The following MCF2L2 variants were observed in gnomAD, a reference collection of about 807,000 sequenced individuals.
The protein encoded by MCF2L2 is probable guanine nucleotide exchange factor MCF2L2.
In MCF2L2, 102 loss-of-function variants were observed where a neutral mutation model predicts 150.2. The observed-to-expected ratio is 0.68, with a 90% confidence interval of 0.58 to 0.80. MCF2L2 has a LOEUF of 0.80. Ranked by LOEUF, MCF2L2 falls within the 30% of genes least tolerant of loss-of-function variation. The pLI is 0.00. For synonymous variants in MCF2L2, 465 were observed against 491.3 expected (o/e 0.95, Z 0.71); for missense variants, 1,256 against 1,372.8 (o/e 0.91, Z 1.34).
chr3:183,273,757 T>C (rs1210087975), intron 15 of MCF2L2, among the ~76,000 whole-genome samples: 1 of 152,226 alleles, frequency 6.6e-6, no homozygotes. Context: ...ATACTTTCCA[T>C]TGTCTTACAA....
intron 15 of MCF2L2, among the ~76,000 whole-genome samples, chr3:183,266,962 T>A (rs1726203044): frequency 6.6e-6 from 1 of 152,020 alleles, no homozygotes; most frequent in South Asian, 2.1e-4. Context: ...AATTTTTGAA[T>A]TTTTTATAGA....
chr3:183,401,808 C>T (rs1714771926), intron 1 of MCF2L2, among the ~76,000 whole-genome samples: 1 of 152,200 alleles, frequency 6.6e-6, no homozygotes, highest in Admixed American at 6.5e-5. Context: ...GTATGGACAG[C>T]TACTGCTTGT....
At chr3:183,286,766 C>T (rs115325312) in intron 14 of MCF2L2, among the ~76,000 whole-genome samples, 4,928 of 152,300 alleles carry the variant, frequency 0.032, 256 homozygotes, top group African/African-American at 0.11. Flanking sequence ...AAGCCTTGGT[C>T]TTTCTAAGCA....
At chr3:183,196,898 G>A (rs1179061426) in intron 25 of MCF2L2, among the ~76,000 whole-genome samples, 1 of 151,994 alleles carries the variant, frequency 6.6e-6, no homozygotes, top group Admixed American at 6.6e-5. Context: ...CCTTAAGGAG[G>A]GCTTGAGAAA....
chr3:183,378,371 G>C (rs142472580), intron 3 of MCF2L2: 54 of 152,436 alleles, frequency 3.5e-4, no homozygotes, highest in African/African-American at 1.3e-3. Context: ...CCCGGTCTGT[G>C]AAATGGTGGT....
chr3:183,420,577 C>T (rs1331904893), intron 1 of MCF2L2, among the ~76,000 whole-genome samples: 1 of 151,972 alleles, frequency 6.6e-6, no homozygotes, highest in Non-Finnish European at 1.5e-5. Context: ...CCAGCCTGGG[C>T]GACAGAGCAA....
At chr3:183,309,187 G>C (rs1313808434) in intron 10 of MCF2L2, among the ~76,000 whole-genome samples, 1 of 152,080 alleles carries the variant, frequency 6.6e-6, no homozygotes, top group Non-Finnish European at 1.5e-5. Flanking sequence ...AGAAAGCTTT[G>C]CCAATTCTGT....
chr3:183,307,330 C>G (rs1278851665), intron 10 of MCF2L2, among the ~76,000 whole-genome samples: 1 of 152,170 alleles, frequency 6.6e-6, no homozygotes, highest in Non-Finnish European at 1.5e-5. Flanking sequence ...TCTGAAGAAG[C>G]CATGTGTCTG....
At chr3:183,420,352 A>T (rs1230441990) in intron 1 of MCF2L2, among the ~76,000 whole-genome samples, 1 of 152,220 alleles carries the variant, frequency 6.6e-6, no homozygotes, top group African/African-American at 2.4e-5. Context: ...CTGTAATCCC[A>T]GCACTTTGGG....
chr3:183,278,193 A>AAT (rs201638839), intron 14 of MCF2L2, among the ~76,000 whole-genome samples: 1,510 of 140,394 alleles, frequency 0.011, 20 homozygotes, highest in African/African-American at 0.036. Context: ...CAAAAGAAAA[A>AAT]ATATATATAT....
chr3:183,355,462 T>C (rs921810392), intron 3 of MCF2L2, among the ~76,000 whole-genome samples: 42 of 151,838 alleles, frequency 2.8e-4, no homozygotes, highest in African/African-American at 1.0e-3. Flanking sequence ...TTTTTTTTTT[T>C]TTTGAGACGG....
intron 3 of MCF2L2, among the ~76,000 whole-genome samples, chr3:183,345,333 G>T (rs113489556): frequency 6.6e-6 from 1 of 152,040 alleles, no homozygotes; most frequent in Non-Finnish European, 1.5e-5. Context: ...GGTAAATAAC[G>T]AAATTAAGGC....
In MCF2L2 at chr3:183,267,505, T is replaced by C. The variant is rs1422752398; in HGVS notation, c.1862+9367A>G. ...TCTGCAGGGCACTCAGTGTGTACAG[T>C]TGGTTTTCTATCAGGGGTCAACCGG... On this transcript the variant is annotated intron_variant, in intron 15 of 29. Coordinates refer to ENST00000328913, the MANE Select transcript of MCF2L2 (RefSeq NM_015078.4). The surrounding 1 kb of genome is among the most constrained non-coding windows in gnomAD (Gnocchi z 5.5). Among the ~76,000 whole-genome samples, 1 of 152,150 alleles carries C rather than the reference T, an allele frequency of 6.6e-6. No homozygotes were observed. Among genetic ancestry groups the C allele is most frequent in the Non-Finnish European group, 1.5e-5 (1 of 68,036 alleles).
At chr3:183,238,735 C>T (rs750256718) in intron 15 of MCF2L2, among the ~76,000 whole-genome samples, 3 of 151,338 alleles carry the variant, frequency 2.0e-5, no homozygotes, top group African/African-American at 2.4e-5. Context: ...CGGTGGCTCA[C>T]GCCTGTAATC....
Position 183,289,208 on chromosome 3 carries a change from C to G in MCF2L2, c.1688G>C (p.Arg563Pro). Reference sequence around the variant, plus strand: ...AGGTTCCTCAGACGTTCTCAGAGGACGAGCTAGAGGGACTAAGAGAACCTG... The same window carrying G: ...AGGTTCCTCAGACGTTCTCAGAGGAGGAGCTAGAGGGACTAAGAGAACCTG... ...SQPSTSVPLA[R>P]PLRTSEEPYT... The change falls in exon 14 of 30, where the codon CGT becomes CCT. Residue 563 changes from arginine to proline, a missense_variant. Arg to Pro is a moderately radical substitution (Grantham distance 103). Coordinates refer to ENST00000328913, the MANE Select transcript of MCF2L2 (RefSeq NM_015078.4). 6.2e-7 allele frequency: 1 copy of G among 1,611,894 alleles called. No individual in the cohort carries two copies. The highest frequency in any genetic ancestry group is 8.5e-7 in the Non-Finnish European group (1 of 1,178,184).
chr3:183,220,980 C>T (rs993747740), intron 20 of MCF2L2, among the ~76,000 whole-genome samples: 1 of 152,208 alleles, frequency 6.6e-6, no homozygotes, highest in African/African-American at 2.4e-5. Context: ...ATCACCCTCT[C>T]CCCAAGATCC....
intron 12 of MCF2L2, 41 bp from the exon 13 acceptor site, chr3:183,295,518 G>T: frequency 1.3e-6 from 2 of 1,591,544 alleles, no homozygotes; most frequent in Non-Finnish European, 1.7e-6. Context: ...AGGTCTCTCT[G>T]TATACAGCCT....
In MCF2L2 at chr3:183,223,266, C is replaced by G; in HGVS notation, c.2301+80G>C. On this transcript the variant is annotated intron_variant, in intron 20 of 29. Transcript: ENST00000328913. ...AGCCTTAGAAGACCAAGGCACAGCT[C>G]TACATGTGTAACGACATGGGCACCA... 2.9e-6 allele frequency: 3 copies of G among 1,051,956 alleles called. No individual in the cohort carries two copies. In the South Asian group the frequency reaches 3.8e-5, roughly 13 times the overall value. 65.2% of individuals were successfully genotyped at this position (1,051,956 alleles called of 1,614,324 possible). A position where few individuals can be genotyped will look rare whatever the true frequency, so the allele number is the denominator to read the frequency against.
intron 7 of MCF2L2, among the ~76,000 whole-genome samples, chr3:183,312,970 C>T (rs1440699086): frequency 6.6e-6 from 1 of 152,218 alleles, no homozygotes. Flanking sequence ...GCACTTTTGC[C>T]TGGGAATCAG....
Sources: allele counts gnomAD v4.1 joint callset (sites outside exome capture counted in the v4.1 genomes callset), GRCh38; gene constraint gnomAD v4.1.1; non-coding constraint Gnocchi (gnomAD v3.1); transcripts MANE v1.5; gene names NCBI Gene and HGNC (gene_info 2026-07-23, HGNC 2026-07-21).